The following P4HA3 variants were observed in gnomAD, a reference collection of about 807,000 sequenced individuals.
P4HA3 encodes prolyl 4-hydroxylase subunit alpha-3.
P4HA3 carries 60 observed loss-of-function variants against 66.7 expected under a neutral mutation model. That is an observed-to-expected ratio of 0.90 (90% confidence interval 0.73 to 1.12). The LOEUF is 1.12. P4HA3 is among the 50% of genes most tolerant of loss of function. The probability of loss-of-function intolerance (pLI) is 0.00; values close to 1 mark genes in which losing one functional copy is unlikely to be tolerated. For missense variants in P4HA3, 683 were observed against 685.8 expected (o/e 1.00, Z 0.05); for synonymous variants, 263 against 274.6 (o/e 0.96, Z 0.42).
intron 15 of P4HA3, among the ~76,000 whole-genome samples, chr11:74,256,864 G>T (rs1327604313): frequency 6.6e-6 from 1 of 152,154 alleles, no homozygotes; most frequent in Non-Finnish European, 1.5e-5. Flanking sequence ...ACAAAGCCAT[G>T]AGGGGAATGG....
intron 5 of P4HA3, among the ~76,000 whole-genome samples, chr11:74,288,715 G>A (rs755028367): frequency 7.9e-5 from 12 of 152,086 alleles, no homozygotes; most frequent in Admixed American, 2.0e-4. Flanking sequence ...TTGGGAGCCC[G>A]AGGTTGGGGG....
At chr11:74,282,928 G>T (rs1207218837) in intron 7 of P4HA3, among the ~76,000 whole-genome samples, 1 of 152,174 alleles carries the variant, frequency 6.6e-6, no homozygotes, top group African/African-American at 2.4e-5. Flanking sequence ...GAATGATCAG[G>T]GCTAGCGGGC....
intron 1 of P4HA3, among the ~76,000 whole-genome samples, chr11:74,307,372 C>T (rs182244867): frequency 2.6e-5 from 4 of 152,262 alleles, no homozygotes; most frequent in African/African-American, 4.8e-5. Flanking sequence ...TGAATATTTG[C>T]CCCAAGTCAT....
At chr11:74,267,369 C>T (rs774685142) in intron 12 of P4HA3, 51 bp from the exon 13 acceptor site, 1 of 1,603,994 alleles carries the variant, frequency 6.2e-7, no homozygotes, top group South Asian at 1.1e-5. Flanking sequence ...GAACAGACAG[C>T]AGCAATGCTG....
chr11:74,257,116 C>G (rs973069865), intron 15 of P4HA3, among the ~76,000 whole-genome samples: 2 of 152,076 alleles, frequency 1.3e-5, no homozygotes, highest in Non-Finnish European at 1.5e-5. Context: ...AATGGTTTCA[C>G]AAGAGGTAGC....
At chr11:74,281,988 A>G (rs1451717713) in intron 7 of P4HA3, among the ~76,000 whole-genome samples, 1 of 151,608 alleles carries the variant, frequency 6.6e-6, no homozygotes, top group African/African-American at 2.4e-5. Context: ...TGGCTCTACA[A>G]TCTTAGGAAG....
chr11:74,251,847 A>G (rs1018749931), intron 15 of P4HA3: 3 of 1,106,988 alleles, frequency 2.7e-6, no homozygotes, highest in Middle Eastern at 2.0e-4. Flanking sequence ...CCTCCTCCTC[A>G]GTGAAGAGCC....
chr11:74,286,869 TATG>T (rs1285180314), intron 5 of P4HA3, among the ~76,000 whole-genome samples: 1 of 152,134 alleles, frequency 6.6e-6, no homozygotes, highest in Non-Finnish European at 1.5e-5. Flanking sequence ...TACAACAAAA[TATG>T]ATAAGTGCAA....
intron 15 of P4HA3, chr11:74,255,856 T>C (rs989030182): frequency 3.1e-5 from 14 of 453,300 alleles, no homozygotes; most frequent in African/African-American, 2.4e-4. Flanking sequence ...TATTTCAGGG[T>C]AGTTCATGAG....
intron 4 of P4HA3, among the ~76,000 whole-genome samples, chr11:74,290,328 T>G (rs1183694317): frequency 6.6e-6 from 1 of 152,146 alleles, no homozygotes; most frequent in African/African-American, 2.4e-5. Flanking sequence ...GAGTTCATTG[T>G]AGATTCTGGA....
chr11:74,299,407 A>G (rs1363128941), intron 3 of P4HA3, among the ~76,000 whole-genome samples: 1 of 152,232 alleles, frequency 6.6e-6, no homozygotes, highest in Non-Finnish European at 1.5e-5. Context: ...AGCCTAAACA[A>G]TAAATCATTT....
At chr11:74,271,975 TC>T (rs142157239) in intron 10 of P4HA3, among the ~76,000 whole-genome samples, 6,033 of 152,058 alleles carry the variant, frequency 0.04, 127 homozygotes, top group Middle Eastern at 0.11. Flanking sequence ...CAGAGTGACA[TC>T]CCTCCTTACA....
intron 4 of P4HA3, among the ~76,000 whole-genome samples, chr11:74,295,067 C>T (rs147897278): frequency 1.3e-5 from 2 of 152,310 alleles, no homozygotes; most frequent in South Asian, 2.1e-4. Context: ...GGCTCCTCCC[C>T]CCGTGCCCTC....
chr11:74,293,275 C>CT (rs1278169456), intron 4 of P4HA3, among the ~76,000 whole-genome samples: 1 of 151,896 alleles, frequency 6.6e-6, no homozygotes, highest in African/African-American at 2.4e-5. Flanking sequence ...CAACCCCTGC[C>CT]TTTTTTTGTT....
intron 15 of P4HA3, among the ~76,000 whole-genome samples, chr11:74,258,690 G>A (rs1486955401): frequency 6.6e-6 from 1 of 152,160 alleles, no homozygotes; most frequent in Admixed American, 6.5e-5. Flanking sequence ...GGGGCATGGA[G>A]GACTAGGACC....
At chr11:74,279,280 G>C in intron 8 of P4HA3, 108 bp downstream of exon 8, 1 of 992,754 alleles carries the variant, frequency 1.0e-6, no homozygotes, top group Non-Finnish European at 1.6e-6. Flanking sequence ...CGTGAACTAG[G>C]GATTCTCCAC....
At chr11:74,254,506 C>T (rs1859784376) in intron 15 of P4HA3, 1 of 153,018 alleles carries the variant, frequency 6.5e-6, no homozygotes. Flanking sequence ...CCAGGCACGC[C>T]ATTTCCAAGG....
Position 74,277,124 on chromosome 11 carries a change from A to G in P4HA3, c.1196T>C (p.Val399Ala), listed in dbSNP as rs1238475747. The change falls in exon 9 of 13, where the codon GTT becomes GCT. Residue 399 changes from valine (V) to alanine (A), a missense_variant. Transcript: ENST00000331597. ...GTTGAGGGTCACCAGTTTTGGGTCA[A>G]CAGTGTCCTTCAGCCAGGCACTAAA... ...ISKSAWLKDT[V>A]DPKLVTLNHR... 2 of 1,613,930 alleles carry G rather than the reference A, an allele frequency of 1.2e-6. No homozygotes were observed. The highest frequency in any genetic ancestry group is 1.7e-5 in the Admixed American group (1 of 59,984).
chr11:74,311,518 A>C lies in P4HA3; in HGVS notation c.94T>G (p.Ser32Ala), dbSNP rs1248832553. Residue 32 changes from serine (S) to alanine (A), a missense_variant, in exon 1 of 13, where the codon TCG (serine) becomes GCG (alanine). By Grantham distance (99) the Ser-to-Ala change is moderately conservative (BLOSUM62 1). Transcript: ENST00000331597. Reference sequence around the variant, plus strand: ...GCGCGCGCCACGCTGGTCAGCGCCGAGAACGTGTCGCCCCGAGCCGCAGCC... The same window carrying C: ...GCGCGCGCCACGCTGGTCAGCGCCGCGAACGTGTCGCCCCGAGCCGCAGCC... ...ERAAARGDTFSALTSVARALA... is the reference protein window; with the variant it reads ...ERAAARGDTFAALTSVARALA... 1.3e-6 allele frequency: 2 copies of C among 1,541,970 alleles called. No homozygotes were observed. Among genetic ancestry groups the C allele is most frequent in the Non-Finnish European group, 1.7e-6 (2 of 1,152,898 alleles).
Sources: gnomAD v4.1 joint callset for allele counts (sites outside exome capture counted in the v4.1 genomes callset) on GRCh38, gnomAD v4.1.1 for gene constraint, MANE v1.5 for transcripts, NCBI Gene and HGNC (gene_info 2026-07-23, HGNC 2026-07-21) for gene names.